C16orf87: variants seen among roughly 807,000 people sequenced by gnomAD.
C16orf87 encodes UPF0547 protein C16orf87.
C16orf87 carries 13 observed loss-of-function variants against 21.0 expected under a neutral mutation model. The observed-to-expected ratio is 0.62, with a 90% CI of 0.40 to 0.98. The LOEUF (loss-of-function observed/expected upper bound fraction) is 0.98, where lower values mean the gene tolerates loss of function less well. Ranked by LOEUF, C16orf87 falls within the 50% of genes least tolerant of loss-of-function variation. The pLI is 0.00. For missense variants in C16orf87, 113 were observed against 180.4 expected (o/e 0.63, Z 2.14); for synonymous variants, 49 against 60.2 (o/e 0.81, Z 0.86).
chr16:46,819,289 T>C (rs998759092), intron 2 of C16orf87, among the ~76,000 whole-genome samples: 1 of 152,136 alleles, frequency 6.6e-6, no homozygotes, highest in Admixed American at 6.5e-5. Context: ...TTCGCCATGT[T>C]GCCCAGCCTG....
At chr16:46,823,112 C>T (rs1196936429) in intron 2 of C16orf87, among the ~76,000 whole-genome samples, 1 of 152,220 alleles carries the variant, frequency 6.6e-6, no homozygotes, top group African/African-American at 2.4e-5. Context: ...CTTCTATCCA[C>T]TGAGACTCCA....
rs946124205 is a variant in C16orf87, at chr16:46,798,896, A to C, written c.*4056T>G. ...AACTTCCAACAAGCAGAAATAAAAG[A>C]GTCTACCCTCAATCTACTAAAGGGT... On this transcript the variant is annotated 3_prime_UTR_variant, in exon 4 of 4. Transcript: ENST00000285697. 6.6e-6 allele frequency: 1 copy of C among 152,194 alleles called. No individual in the cohort carries two copies. Among genetic ancestry groups the C allele is most frequent in the Non-Finnish European group, 1.5e-5 (1 of 68,034 alleles). 9.4% of individuals were successfully genotyped at this position (152,194 alleles called of 1,614,324 possible).
chr16:46,829,165 A>G (rs1174757728), intron 1 of C16orf87, among the ~76,000 whole-genome samples: 1 of 152,122 alleles, frequency 6.6e-6, no homozygotes, highest in Non-Finnish European at 1.5e-5. Context: ...AAAGGGAGAG[A>G]GCTTGACCCT....
At chr16:46,827,193 T>C (rs1051330369) in intron 1 of C16orf87, among the ~76,000 whole-genome samples, 4 of 152,198 alleles carry the variant, frequency 2.6e-5, no homozygotes, top group African/African-American at 9.7e-5. Context: ...ATTCATTCTA[T>C]AGTCCTATTT....
At chr16:46,817,563 C>A (rs543755136) in intron 2 of C16orf87, among the ~76,000 whole-genome samples, 1 of 152,146 alleles carries the variant, frequency 6.6e-6, no homozygotes, top group African/African-American at 2.4e-5. Context: ...TGGCACACAC[C>A]TGTAATCCCA....
chr16:46,817,112 G>A (rs1413800729), intron 2 of C16orf87, among the ~76,000 whole-genome samples: 1 of 152,124 alleles, frequency 6.6e-6, no homozygotes, highest in African/African-American at 2.4e-5. Context: ...AGGCATGCCA[G>A]AATGAAAAGA....
chr16:46,806,255 A>ATTT (rs765265445), intron 3 of C16orf87, among the ~76,000 whole-genome samples: 16 of 125,778 alleles, frequency 1.3e-4, no homozygotes, highest in South Asian at 2.5e-4. Flanking sequence ...GTCTACATTC[A>ATTT]TTTTTTTTTT....
chr16:46,809,606 T>C lies in C16orf87; in HGVS notation c.343A>G (p.Arg115Gly), dbSNP rs1331532481. The C allele has an allele frequency of 6.2e-7, 1 of 1,607,778 alleles. No homozygotes were observed. The highest frequency in any genetic ancestry group is 1.7e-5 in the Admixed American group (1 of 58,958). ...AAACTGCTTGATTTGTTCATACCTCTTTCTTCCTCATGTTTTTTGGCAGAT... is the reference window on the plus strand; with the variant it reads ...AAACTGCTTGATTTGTTCATACCTCCTTCTTCCTCATGTTTTTTGGCAGAT... The part of the protein sequence containing the change: ...SASAKKHEEE[R>G]EKQEKEIDIY... Residue 115 changes from arginine (R) to glycine (G), a missense_variant, in exon 3 of 4, where the codon AGA (arginine) becomes GGA (glycine). By Grantham distance (125) the Arg-to-Gly change is moderately radical (BLOSUM62 -2). Coordinates refer to ENST00000285697, the MANE Select transcript of C16orf87 (RefSeq NM_001001436.4).
At chr16:46,819,642 G>A (rs1392742677) in intron 2 of C16orf87, among the ~76,000 whole-genome samples, 3 of 151,790 alleles carry the variant, frequency 2.0e-5, no homozygotes, top group African/African-American at 4.8e-5. Flanking sequence ...CTGCTAACAC[G>A]CATCTCTTTC....
At chr16:46,824,196 G>A (rs1221701640) in intron 2 of C16orf87, among the ~76,000 whole-genome samples, 190 bp downstream of exon 2, 1 of 152,068 alleles carries the variant, frequency 6.6e-6, no homozygotes, top group Non-Finnish European at 1.5e-5. Flanking sequence ...GCATTGTAAG[G>A]GACTTAACAT....
intron 2 of C16orf87, among the ~76,000 whole-genome samples, chr16:46,812,004 G>T (rs1181787699): frequency 6.6e-6 from 1 of 151,988 alleles, no homozygotes; most frequent in Non-Finnish European, 1.5e-5. Flanking sequence ...AGCACCTTGG[G>T]AGGCCAAAGG....
At chr16:46,811,393 C>G (rs1968078920) in intron 2 of C16orf87, among the ~76,000 whole-genome samples, 2 of 151,758 alleles carry the variant, frequency 1.3e-5, no homozygotes, top group African/African-American at 4.8e-5. Context: ...ATCCCAGCTA[C>G]TTGGGAGGCT....
At position 46,800,511 on chromosome 16, in the gene C16orf87, CT is replaced by C. The variant is rs1967739461; in HGVS notation, c.*2440del. ...GCAGGGAGTAACAACTCTCAAACTACTTTTATTTAATCTTACTCATATTTAA... is the reference window on the plus strand; with the variant it reads ...GCAGGGAGTAACAACTCTCAAACTACTTTATTTAATCTTACTCATATTTAA... On this transcript the variant is annotated 3_prime_UTR_variant, in exon 4 of 4. Coordinates refer to ENST00000285697, the MANE Select transcript of C16orf87 (RefSeq NM_001001436.4). 1 of 152,172 alleles carries C rather than the reference CT, an allele frequency of 6.6e-6. No homozygotes were observed. The highest frequency in any genetic ancestry group is 6.5e-5 in the Admixed American group (1 of 15,284). 9.4% of individuals were successfully genotyped at this position (152,172 alleles called of 1,614,324 possible). A position where few individuals can be genotyped will look rare whatever the true frequency, so the allele number is the denominator to read the frequency against.
At chr16:46,815,550 C>T (rs564325742) in intron 2 of C16orf87, among the ~76,000 whole-genome samples, 1 of 151,512 alleles carries the variant, frequency 6.6e-6, no homozygotes, top group Non-Finnish European at 1.5e-5. Context: ...ACAACAACAA[C>T]AAAAAAAATC....
At chr16:46,829,136 G>A (rs1386488480) in intron 1 of C16orf87, among the ~76,000 whole-genome samples, 1 of 152,108 alleles carries the variant, frequency 6.6e-6, no homozygotes, top group Non-Finnish European at 1.5e-5. Flanking sequence ...CTCATGATGT[G>A]ATTAGGGACC....
intron 1 of C16orf87, among the ~76,000 whole-genome samples, chr16:46,830,254 T>TAGAG (rs1351412076): frequency 3.9e-5 from 2 of 51,940 alleles, no homozygotes; most frequent in African/African-American, 1.3e-4. Flanking sequence ...GATAGAGAGA[T>TAGAG]AGAGAGAGAC....
At chr16:46,830,307 A>AGAGAGAGAGAGTGT (rs758468161) in intron 1 of C16orf87, among the ~76,000 whole-genome samples, 3 of 109,142 alleles carry the variant, frequency 2.7e-5, no homozygotes, top group Non-Finnish European at 5.5e-5. Flanking sequence ...AGAGAGAGAG[A>AGAGAGAGAGAGTGT]GACACACAGA....
chr16:46,799,227 T>A lies in C16orf87; in HGVS notation c.*3725A>T, dbSNP rs369045994. On this transcript the variant is annotated 3_prime_UTR_variant, in exon 4 of 4. Transcript: ENST00000285697. Reference sequence around the variant, plus strand: ...GTTGTAATCTTTGAGTAGTAAGTACTACTAATATTCAAACTATAATAAATG... The same window carrying A: ...GTTGTAATCTTTGAGTAGTAAGTACAACTAATATTCAAACTATAATAAATG... The A allele has an allele frequency of 6.6e-6, 1 of 152,174 alleles. No homozygotes were observed. Among genetic ancestry groups the A allele is most frequent in the South Asian group, 2.1e-4 (1 of 4,836 alleles). 9.4% of individuals were successfully genotyped at this position (152,174 alleles called of 1,614,324 possible). A position where few individuals can be genotyped will look rare whatever the true frequency, so the allele number is the denominator to read the frequency against.
chr16:46,817,813 T>C (rs1276716587), intron 2 of C16orf87, among the ~76,000 whole-genome samples: 1 of 147,460 alleles, frequency 6.8e-6, no homozygotes. Flanking sequence ...AAGAACTCTA[T>C]GAAAAGTGTT....
Sources: allele counts gnomAD v4.1 joint callset (sites outside exome capture counted in the v4.1 genomes callset), GRCh38; gene constraint gnomAD v4.1.1; transcripts MANE v1.5; gene names NCBI Gene and HGNC (gene_info 2026-07-23, HGNC 2026-07-21).